Variants in PDE8B observed in about 807,000 individuals in gnomAD.
PDE8B encodes the protein high affinity cAMP-specific and IBMX-insensitive 3',5'-cyclic phosphodiesterase 8B.
A neutral mutation model predicts 101.3 loss-of-function variants in PDE8B; 26 were observed. The observed-to-expected ratio is 0.26, with a 90% CI of 0.19 to 0.36. PDE8B has a LOEUF of 0.36. Among genes scored for constraint, PDE8B ranks in the 10% least tolerant of loss-of-function variants. The pLI is 1.00. For missense variants in PDE8B, 810 were observed against 1,163.1 expected (o/e 0.70, Z 4.42); for synonymous variants, 424 against 429.3 (o/e 0.99, Z 0.15).
chr5:77,289,933 T>C (rs1281176161), intron 1 of PDE8B, among the ~76,000 whole-genome samples: 2 of 152,244 alleles, frequency 1.3e-5, no homozygotes, highest in African/African-American at 4.8e-5. Flanking sequence ...CCCAGCTTAT[T>C]AAGTTAGATA....
intron 1 of PDE8B, among the ~76,000 whole-genome samples, chr5:77,229,226 G>A (rs572948042): frequency 6.6e-5 from 10 of 152,332 alleles, no homozygotes; most frequent in African/African-American, 2.4e-4. Flanking sequence ...TGGTAGGAGA[G>A]AGAATCAAAT....
At chr5:77,233,360 G>A (rs1427511988) in intron 1 of PDE8B, among the ~76,000 whole-genome samples, 2 of 152,152 alleles carry the variant, frequency 1.3e-5, no homozygotes, top group African/African-American at 4.8e-5. Flanking sequence ...TTCCCCAGGA[G>A]CAGGTCCTGG....
chr5:77,190,828 C>T, the PDE8B span, among the ~76,000 whole-genome samples: 1 of 152,190 alleles, frequency 6.6e-6, no homozygotes, highest in Non-Finnish European at 1.5e-5. Context: ...TGGCTGAAGA[C>T]AAAGTAGGCC....
intron 10 of PDE8B, among the ~76,000 whole-genome samples, chr5:77,395,270 C>T (rs1790772228): frequency 6.6e-6 from 1 of 150,898 alleles, no homozygotes; most frequent in Non-Finnish European, 1.5e-5. Flanking sequence ...GCACCCGCCA[C>T]CACACCCGGC....
the PDE8B span, among the ~76,000 whole-genome samples, chr5:77,202,072 G>A: frequency 2.6e-5 from 4 of 152,186 alleles, no homozygotes; most frequent in East Asian, 3.9e-4. Context: ...TTATGACCTC[G>A]TAACCTTAGT....
chr5:77,242,511 G>C (rs966324742), intron 1 of PDE8B, among the ~76,000 whole-genome samples: 15 of 152,342 alleles, frequency 9.8e-5, no homozygotes, highest in Non-Finnish European at 1.8e-4. Flanking sequence ...ACCACTAAAA[G>C]AAGCTAGATA....
intron 14 of PDE8B, 65 bp from the exon 15 acceptor site, chr5:77,411,611 A>G (rs1231528625): frequency 2.8e-6 from 2 of 718,386 alleles, no homozygotes. Flanking sequence ...CACTAATAAT[A>G]AAAAAAAAAA....
At chr5:77,246,872 T>C (rs1472333784) in intron 1 of PDE8B, 1 of 151,966 alleles carries the variant, frequency 6.6e-6, no homozygotes, top group Non-Finnish European at 1.5e-5. Flanking sequence ...GACTCTGGCT[T>C]TGATCTTGAC....
the PDE8B span, chr5:77,086,842 T>A: frequency 6.6e-6 from 1 of 152,446 alleles, no homozygotes; most frequent in Admixed American, 6.5e-5. Flanking sequence ...AATTTCCACA[T>A]TCCGAACAAG....
At chr5:77,373,069 T>G (rs1010226610) in intron 10 of PDE8B, among the ~76,000 whole-genome samples, 1 of 152,156 alleles carries the variant, frequency 6.6e-6, no homozygotes, top group Admixed American at 6.5e-5. Context: ...TCTCTTTCAT[T>G]TCTTTATTTG....
chr5:77,278,851 T>C (rs1764384887), intron 1 of PDE8B, among the ~76,000 whole-genome samples: 1 of 152,216 alleles, frequency 6.6e-6, no homozygotes, highest in Non-Finnish European at 1.5e-5. Flanking sequence ...ACGCTTTTTA[T>C]CTTTTTCTTG....
chr5:77,371,290 A>G (rs972588557), intron 10 of PDE8B, among the ~76,000 whole-genome samples: 2 of 152,168 alleles, frequency 1.3e-5, no homozygotes, highest in African/African-American at 2.4e-5. Flanking sequence ...GTTTTTGTGT[A>G]TGGTGTCAGA....
intron 10 of PDE8B, among the ~76,000 whole-genome samples, chr5:77,377,834 C>T (rs891545745): frequency 1.3e-5 from 2 of 152,120 alleles, no homozygotes; most frequent in South Asian, 2.1e-4. Context: ...CATCTCCTTC[C>T]CCTGACATCG....
intron 9 of PDE8B, among the ~76,000 whole-genome samples, chr5:77,352,984 T>C (rs1037715646): frequency 6.6e-6 from 1 of 152,226 alleles, no homozygotes; most frequent in Admixed American, 6.5e-5. Context: ...AAATGAATCT[T>C]TTGTAGCTAT....
At chr5:77,283,127 AG>A (rs1311720724) in intron 1 of PDE8B, among the ~76,000 whole-genome samples, 1 of 152,224 alleles carries the variant, frequency 6.6e-6, no homozygotes, top group Admixed American at 6.5e-5. Context: ...TATGTAAGTA[AG>A]CACTGAAGTT....
chr5:77,182,788 T>G, the PDE8B span, among the ~76,000 whole-genome samples: 1 of 152,070 alleles, frequency 6.6e-6, no homozygotes, highest in South Asian at 2.1e-4. Context: ...ATACACATCT[T>G]ATTTTTATTT....
chr5:77,342,877 A>G (rs983779920), intron 6 of PDE8B, among the ~76,000 whole-genome samples: 1 of 152,208 alleles, frequency 6.6e-6, no homozygotes, highest in Non-Finnish European at 1.5e-5. Context: ...GAAGCCGAGT[A>G]ACATCACAAC....
At chr5:77,248,440 G>GTT (rs56054494) in intron 1 of PDE8B, among the ~76,000 whole-genome samples, 7 of 151,386 alleles carry the variant, frequency 4.6e-5, no homozygotes, top group Admixed American at 6.6e-5. Context: ...AATTAAATTA[G>GTT]TTTTTGTTGT....
At chr5:77,312,164 C>G (rs1202731406) in intron 2 of PDE8B, 111 bp downstream of exon 2, 3 of 760,298 alleles carry the variant, frequency 3.9e-6, no homozygotes, top group East Asian at 2.8e-5. Context: ...AGTGTAGAGG[C>G]TCAGTCTCGG....
Sources: allele counts gnomAD v4.1 joint callset (sites outside exome capture counted in the v4.1 genomes callset), GRCh38; gene constraint gnomAD v4.1.1; transcripts MANE v1.5; gene names NCBI Gene and HGNC (gene_info 2026-07-23, HGNC 2026-07-21).